The following SESTD1 variants were observed in gnomAD, a reference collection of about 807,000 sequenced individuals.
SESTD1 encodes the protein SEC14 domain and spectrin repeat-containing protein 1.
A neutral mutation model predicts 101.7 loss-of-function variants in SESTD1; 43 were observed. The ratio of observed to expected loss-of-function variants is 0.42; its 90% CI spans 0.33 to 0.55. The LOEUF (loss-of-function observed/expected upper bound fraction) is 0.55, where lower values mean the gene tolerates loss of function less well. SESTD1 is among the 20% of genes least tolerant of loss of function. SESTD1 has a pLI of 0.07. For missense variants in SESTD1, 647 were observed against 815.1 expected, an observed-to-expected ratio of 0.79 and a Z score of 2.51; for synonymous variants, 283 against 286.8, an observed-to-expected ratio of 0.99 and a Z score of 0.13.
At chr2:179,155,692 A>G (rs1171488823) in intron 5 of SESTD1, among the ~76,000 whole-genome samples, 2 of 152,070 alleles carry the variant, frequency 1.3e-5, no homozygotes, top group Admixed American at 6.6e-5. Flanking sequence ...CTATTTAAAT[A>G]CTGACAAAAA....
At chr2:179,137,359 C>CA (rs1315999734) in intron 9 of SESTD1, among the ~76,000 whole-genome samples, 1 of 152,158 alleles carries the variant, frequency 6.6e-6, no homozygotes. Flanking sequence ...AAGGGCATGT[C>CA]AAGCAAATGT....
chr2:179,160,702 A>G (rs1210411732), intron 5 of SESTD1, among the ~76,000 whole-genome samples: 1 of 152,100 alleles, frequency 6.6e-6, no homozygotes, highest in Non-Finnish European at 1.5e-5. Context: ...AAAAGAGTAA[A>G]TTTTCTAAAA....
In SESTD1 at chr2:179,211,555, A is replaced by G. The variant is rs944311282; in HGVS notation, c.-25-19689T>C. ...TTGACAAAGCAAACAAAAACATAAA[A>G]TGGAGAAAAGGACACCCTACTACCC... On this transcript the variant is annotated intron_variant, in intron 1 of 17. Coordinates refer to ENST00000428443, the MANE Select transcript of SESTD1 (RefSeq NM_178123.5). Among the ~76,000 whole-genome samples the G allele has an allele frequency of 2.2e-5, 3 of 133,914 alleles. 1 individual carries two copies. The highest frequency in any genetic ancestry group is 8.9e-5 in the African/African-American group (3 of 33,714). 87.9% of individuals were successfully genotyped at this position (133,914 alleles called of 152,430 possible). A position where few individuals can be genotyped will look rare whatever the true frequency, so the allele number is the denominator to read the frequency against.
At chr2:179,112,926 AAAAAG>A (rs2044543103) in intron 16 of SESTD1, 81 bp from the exon 17 acceptor site, 4 of 1,465,556 alleles carry the variant, frequency 2.7e-6, no homozygotes, top group Admixed American at 2.4e-5. Context: ...CCCCACAAAA[AAAAAG>A]AGAGAAAAGA....
At chr2:179,259,469 C>T (rs2047449738) in intron 1 of SESTD1, among the ~76,000 whole-genome samples, 1 of 152,076 alleles carries the variant, frequency 6.6e-6, no homozygotes, top group Admixed American at 6.5e-5. Flanking sequence ...ACCTCGTGAT[C>T]CACCTGCCTC....
chr2:179,183,180 CT>C lies in SESTD1; in HGVS notation c.63del (p.Asp22ThrfsTer8). The stretch of plus-strand genomic sequence containing the variant: ...GTCAAAATGAGGCCACTCCGTCTGT[CT>C]TTTCCTCCTATTAAAAAAGAGATTT... ...KKKLAFLSGG[K>X]DRRSGLILTI... On this transcript the variant is annotated frameshift_variant, in exon 3 of 18. Transcript: ENST00000428443. LOFTEE classifies it high-confidence loss of function. 6.2e-7 allele frequency: 1 copy of C among 1,603,538 alleles called. No individual in the cohort carries two copies. Among genetic ancestry groups the C allele is most frequent in the Non-Finnish European group, 8.5e-7 (1 of 1,172,788 alleles).
rs1202195851 is a variant in SESTD1, at chr2:179,205,760, TGATA to T, written c.-25-13898_-25-13895del. Among the ~76,000 whole-genome samples the T allele has an allele frequency of 1.5e-5, 2 of 135,076 alleles. 1 individual carries two copies. Among genetic ancestry groups the T allele is most frequent in the African/African-American group, 5.8e-5 (2 of 34,192 alleles). The allele number at this position is 135,076 out of a possible 152,430, so 88.6% of individuals were successfully genotyped here. A position where few individuals can be genotyped will look rare whatever the true frequency, so the allele number is the denominator to read the frequency against. ...GTGTATAAGCCAAGATCAAATGAAC[TGATA>T]GATAAAAAGTAAAGCAGTCAAGAGA... On this transcript the variant is annotated intron_variant, in intron 1 of 17. Coordinates refer to ENST00000428443, the MANE Select transcript of SESTD1 (RefSeq NM_178123.5).
At chr2:179,196,226 C>T (rs1373276835) in intron 1 of SESTD1, among the ~76,000 whole-genome samples, 1 of 152,198 alleles carries the variant, frequency 6.6e-6, no homozygotes, top group Non-Finnish European at 1.5e-5. Context: ...GTCACTCCCA[C>T]TCGAATCCTG....
chr2:179,193,813 G>A (rs974397146), intron 1 of SESTD1, among the ~76,000 whole-genome samples: 5 of 152,114 alleles, frequency 3.3e-5, no homozygotes, highest in South Asian at 2.1e-4. Context: ...CAAAAACAAA[G>A]TTTAATTTTC....
chr2:179,146,203 A>G (rs2045392519), intron 8 of SESTD1, among the ~76,000 whole-genome samples, 199 bp downstream of exon 8: 1 of 152,120 alleles, frequency 6.6e-6, no homozygotes, highest in African/African-American at 2.4e-5. Flanking sequence ...TCTGAGGTGG[A>G]ACAGTTTTAT....
intron 3 of SESTD1, among the ~76,000 whole-genome samples, chr2:179,181,647 G>C (rs1016246766): frequency 2.0e-5 from 3 of 152,102 alleles, no homozygotes; most frequent in Admixed American, 1.3e-4. Flanking sequence ...GTGAGATCTT[G>C]GGCAAGTAAC....
rs1284556044 is a variant in SESTD1 at position 179,105,335 on chromosome 2, C to T, written c.*4564G>A. ...CAGGGTTATGTCACACCTTGTCAAC[C>T]TCAAAACAGATGATACTCATCACTT... On this transcript the variant is annotated 3_prime_UTR_variant, in exon 18 of 18. Transcript: ENST00000428443. 6.6e-6 allele frequency: 1 copy of T among 152,032 alleles called. No individual in the cohort carries two copies. 9.4% of individuals were successfully genotyped at this position (152,032 alleles called of 1,614,324 possible).
chr2:179,261,031 C>CTATATATATACACATACATACT (rs1553535338), intron 1 of SESTD1, among the ~76,000 whole-genome samples: 1 of 152,164 alleles, frequency 6.6e-6, no homozygotes, highest in Non-Finnish European at 1.5e-5. Context: ...TTTACTCTCT[C>CTATATATATACACATACATACT]TATATATATA....
chr2:179,149,158 C>T (rs1434441221), intron 7 of SESTD1, 139 bp downstream of exon 7: 4 of 504,036 alleles, frequency 7.9e-6, no homozygotes, highest in Admixed American at 4.4e-5. Context: ...CAAATTCTCA[C>T]GAATATTGTA....
rs781412281 is a variant in SESTD1, at chr2:179,108,334, G to A, written c.*1565C>T. 1.3e-5 allele frequency: 2 copies of A among 152,228 alleles called. No homozygotes were observed. Among genetic ancestry groups the A allele is most frequent in the South Asian group, 2.1e-4 (1 of 4,824 alleles). The allele number at this position is 152,228 out of a possible 1,614,324, so 9.4% of individuals were successfully genotyped here. A position where few individuals can be genotyped will look rare whatever the true frequency, so the allele number is the denominator to read the frequency against. ...TAGCATCTTCAAGGAAGGAGACACTGTCTAGGAAAGGTTGCTCAATGGTGT... is the reference window on the plus strand; with the variant it reads ...TAGCATCTTCAAGGAAGGAGACACTATCTAGGAAAGGTTGCTCAATGGTGT... On this transcript the variant is annotated 3_prime_UTR_variant, in exon 18 of 18. Transcript: ENST00000428443.
At chr2:179,258,507 C>G (rs1324761190) in intron 1 of SESTD1, among the ~76,000 whole-genome samples, 2 of 152,204 alleles carry the variant, frequency 1.3e-5, no homozygotes, top group African/African-American at 4.8e-5. Context: ...ATCAATAGGT[C>G]TTTACAAACC....
At chr2:179,130,441 T>G (rs1327007389) in intron 10 of SESTD1, among the ~76,000 whole-genome samples, 2 of 152,120 alleles carry the variant, frequency 1.3e-5, no homozygotes, top group Non-Finnish European at 2.9e-5. Flanking sequence ...TTGAAAACCT[T>G]ATAAATATAT....
chr2:179,194,432 C>T (rs187557595), intron 1 of SESTD1, among the ~76,000 whole-genome samples: 3 of 152,238 alleles, frequency 2.0e-5, no homozygotes, highest in African/African-American at 7.2e-5. Context: ...TCAGTAGGGG[C>T]CCTCCTCATT....
At position 179,103,746 on chromosome 2, in the gene SESTD1, C is replaced by CAGG. The variant is rs2044322625; in HGVS notation, c.*6150_*6152dup. ...GTTGCCTTTGAGGGTCAAGTAGGGACAGGAATTGACTGGAAAGGGCAGTGT... is the reference window on the plus strand; with the variant it reads ...GTTGCCTTTGAGGGTCAAGTAGGGACAGGAGGAATTGACTGGAAAGGGCAGTGT... On this transcript the variant is annotated 3_prime_UTR_variant, in exon 18 of 18. Transcript: ENST00000428443. 1 of 152,060 alleles carries CAGG rather than the reference C, an allele frequency of 6.6e-6. No homozygotes were observed. 9.4% of individuals were successfully genotyped at this position (152,060 alleles called of 1,614,324 possible).
Sources: allele counts gnomAD v4.1 joint callset (sites outside exome capture counted in the v4.1 genomes callset), GRCh38; gene constraint gnomAD v4.1.1; transcripts MANE v1.5; gene names NCBI Gene and HGNC (gene_info 2026-07-23, HGNC 2026-07-21).